The following NHSL1 variants were observed in gnomAD, a reference collection of about 807,000 sequenced individuals.
The protein encoded by NHSL1 is NHS like 1.
In NHSL1, 48 loss-of-function variants were observed where a neutral mutation model predicts 95.0. The ratio of observed to expected loss-of-function variants is 0.51; its 90% CI spans 0.40 to 0.64. The LOEUF (loss-of-function observed/expected upper bound fraction) is 0.64, where lower values mean the gene tolerates loss of function less well. Ranked by LOEUF, NHSL1 falls within the 30% of genes least tolerant of loss-of-function variation. The pLI, the probability that NHSL1 is intolerant of heterozygous loss-of-function variation, is 0.00. For missense variants in NHSL1, 1,971 were observed against 2,077.7 expected (o/e 0.95, Z 1.00); for synonymous variants, 783 against 833.9 (o/e 0.94, Z 1.05).
intron 2 of NHSL1, among the ~76,000 whole-genome samples, chr6:138,475,385 G>A (rs1779007392): frequency 6.6e-6 from 1 of 150,736 alleles, no homozygotes; most frequent in Non-Finnish European, 1.5e-5. Flanking sequence ...ATCACACCTG[G>A]CATTATTTTA....
chr6:138,611,861 G>A (rs547736900), intron 1 of NHSL1, among the ~76,000 whole-genome samples: 197 of 152,240 alleles, frequency 1.3e-3, no homozygotes, highest in Non-Finnish European at 3.1e-4. Flanking sequence ...TGTAATCCCA[G>A]CACTTTGCGA....
chr6:138,565,851 G>T (rs1369533614), intron 1 of NHSL1, among the ~76,000 whole-genome samples: 1 of 151,862 alleles, frequency 6.6e-6, no homozygotes, highest in Admixed American at 6.6e-5. Flanking sequence ...GCTGAGCGGG[G>T]AGGATCCCTT....
chr6:138,480,848 T>G (rs1179232179), intron 2 of NHSL1, among the ~76,000 whole-genome samples: 1 of 152,208 alleles, frequency 6.6e-6, no homozygotes, highest in Non-Finnish European at 1.5e-5. Context: ...CTGACACTTT[T>G]TAAAACTGAA....
chr6:138,500,229 A>T (rs1780600806), upstream of NHSL1, among the ~76,000 whole-genome samples: 2 of 152,328 alleles, frequency 1.3e-5, no homozygotes, highest in Middle Eastern at 3.4e-3. Context: ...CCCTTCCCTC[A>T]ATGTTGTCTC....
upstream of NHSL1, among the ~76,000 whole-genome samples, chr6:138,504,055 AC>A (rs1245035395): frequency 6.8e-6 from 1 of 147,030 alleles, no homozygotes; most frequent in African/African-American, 2.5e-5. Context: ...ACCCAGAGAG[AC>A]CCTATCCCCC....
At chr6:138,467,589 T>C (rs889122927) in intron 3 of NHSL1, among the ~76,000 whole-genome samples, 6 of 152,228 alleles carry the variant, frequency 3.9e-5, no homozygotes, top group Non-Finnish European at 8.8e-5. Flanking sequence ...ATGGGTGTTA[T>C]TGCCCCGAGG....
chr6:138,483,925 A>C (rs1779572003), intron 2 of NHSL1, among the ~76,000 whole-genome samples: 1 of 152,190 alleles, frequency 6.6e-6, no homozygotes, highest in Non-Finnish European at 1.5e-5. Context: ...TTGGTCACCC[A>C]GGTAGATTTT....
intron 1 of NHSL1, among the ~76,000 whole-genome samples, chr6:138,527,108 C>T (rs1781936910): frequency 6.6e-6 from 1 of 152,192 alleles, no homozygotes; most frequent in African/African-American, 2.4e-5. Context: ...GTAGGCAGCA[C>T]ACAAATCCGA....
In NHSL1 at chr6:138,424,727, G is replaced by C. The variant is rs1304351268; in HGVS notation, c.4175C>G (p.Ala1392Gly). The change falls in exon 8 of 8, where the codon GCT becomes GGT. Residue 1392 changes from alanine to glycine, a missense_variant. By Grantham distance (60) the Ala-to-Gly change is moderately conservative. Coordinates refer to ENST00000343505, the MANE Select transcript of NHSL1 (RefSeq NM_001144060.2). This position sits in a 1 kb window ranked among gnomAD's most constrained non-coding sequence, Gnocchi z 5.9. ...CTTTGGAGAGGCCAGGCTTGGGGCA[G>C]CGCCGGTGGGTGTCACGGGCGGGGA... is the stretch of plus-strand genomic sequence containing the variant. Reference protein sequence around the residue: ...SPSPPVTPTGAAPSLASPKQV... With the variant: ...SPSPPVTPTGGAPSLASPKQV... The C allele has an allele frequency of 6.4e-7, 1 of 1,551,620 alleles. No homozygotes were observed.
At chr6:138,450,207 C>T (rs181315827) in intron 3 of NHSL1, among the ~76,000 whole-genome samples, 179 of 152,296 alleles carry the variant, frequency 1.2e-3, no homozygotes, top group Middle Eastern at 3.4e-3. Context: ...CACACACACA[C>T]ACACTTAAAA....
intron 1 of NHSL1, among the ~76,000 whole-genome samples, chr6:138,522,682 G>A (rs551649200): frequency 5.9e-5 from 9 of 152,040 alleles, no homozygotes; most frequent in South Asian, 2.1e-4. Flanking sequence ...GTGTGGTGGC[G>A]CACATGTGGT....
At chr6:138,501,668 A>G (rs528018253), upstream of NHSL1, among the ~76,000 whole-genome samples, 2 of 152,348 alleles carry the variant, frequency 1.3e-5, no homozygotes, top group Non-Finnish European at 2.9e-5. Context: ...TGTAGGAAGA[A>G]TCTTGCATGG....
intron 1 of NHSL1, chr6:138,691,773 T>C: frequency 2.5e-6 from 1 of 393,972 alleles, no homozygotes; most frequent in Non-Finnish European, 5.0e-6. Context: ...GAGATCACTA[T>C]ATCAGGACAT....
chr6:138,666,767 A>G (rs1424914221), intron 1 of NHSL1, among the ~76,000 whole-genome samples: 1 of 152,196 alleles, frequency 6.6e-6, no homozygotes, highest in East Asian at 1.9e-4. Context: ...CAGGAGGGGA[A>G]CAATAACACA....
rs1419597281 is a variant in NHSL1, at chr6:138,424,658, C to T, written c.4244G>A (p.Ser1415Asn). The T allele has an allele frequency of 6.4e-7, 1 of 1,551,458 alleles. No individual in the cohort carries two copies. The highest frequency in any genetic ancestry group is 8.7e-7 in the Non-Finnish European group (1 of 1,147,002). ...CAGCAGAGCTTTGAAGTTGTCACTGCTGGTGCTGCTCTTTCGGATGCTTCT... is the reference window on the plus strand; with the variant it reads ...CAGCAGAGCTTTGAAGTTGTCACTGTTGGTGCTGCTCTTTCGGATGCTTCT... ...IQRSIRKSST[S>N]SDNFKALLLK... Residue 1415 changes from serine (S) to asparagine (N), a missense_variant, in exon 8 of 8, where the codon AGC becomes AAC. Ser to Asn is a conservative substitution (Grantham distance 46, BLOSUM62 1). Around this residue, in one of 3 missense-constraint regions of NHSL1, gnomAD observed 146 missense variants for 206.3 expected, o/e 0.71. Coordinates refer to ENST00000343505, the MANE Select transcript of NHSL1 (RefSeq NM_001144060.2). This position sits in a 1 kb window ranked among gnomAD's most constrained non-coding sequence, Gnocchi z 5.9.
At chr6:138,502,122 T>C (rs1780715418), upstream of NHSL1, among the ~76,000 whole-genome samples, 1 of 152,124 alleles carries the variant, frequency 6.6e-6, no homozygotes, top group African/African-American at 2.4e-5. Context: ...GGATGTCTCA[T>C]CCTCTGTGCA....
At chr6:138,594,604 C>T (rs565062026) in intron 1 of NHSL1, among the ~76,000 whole-genome samples, 3 of 152,038 alleles carry the variant, frequency 2.0e-5, no homozygotes, top group African/African-American at 4.8e-5. Context: ...AAATACAATA[C>T]GATCCCCAAT....
At chr6:138,684,657 A>C (rs1785560902) in intron 1 of NHSL1, among the ~76,000 whole-genome samples, 1 of 151,930 alleles carries the variant, frequency 6.6e-6, no homozygotes, top group South Asian at 2.1e-4. Context: ...AAAAACAAAC[A>C]AACAAACAAA....
At chr6:138,662,153 A>G (rs1282921065) in intron 1 of NHSL1, among the ~76,000 whole-genome samples, 1 of 152,170 alleles carries the variant, frequency 6.6e-6, no homozygotes, top group Non-Finnish European at 1.5e-5. Flanking sequence ...CAGAAAAAAA[A>G]AAAAATCTTA....
Sources: allele counts gnomAD v4.1 joint callset (sites outside exome capture counted in the v4.1 genomes callset), GRCh38; gene constraint gnomAD v4.1.1; regional missense constraint gnomAD v4.1.1; non-coding constraint Gnocchi (gnomAD v3.1); transcripts MANE v1.5; gene names NCBI Gene and HGNC (gene_info 2026-07-23, HGNC 2026-07-21).